Variants in TMEM123 observed in about 807,000 individuals in gnomAD.
TMEM123 encodes the protein transmembrane protein 123.
In TMEM123, 16 loss-of-function variants were observed where a neutral mutation model predicts 19.7. The ratio of observed to expected loss-of-function variants is 0.81; its 90% confidence interval spans 0.55 to 1.23. The LOEUF is 1.23. TMEM123 is among the 50% of genes most tolerant of loss of function. The pLI, the probability that TMEM123 is intolerant of heterozygous loss-of-function variation, is 0.00. For missense variants in TMEM123, 313 were observed against 257.8 expected, an observed-to-expected ratio of 1.21 and a Z score of -1.47; for synonymous variants, 118 against 99.4, an observed-to-expected ratio of 1.19 and a Z score of -1.12.
chr11:102,414,387 A>C (rs1472729353), intron 2 of TMEM123, among the ~76,000 whole-genome samples: 1 of 152,186 alleles, frequency 6.6e-6, no homozygotes, highest in Non-Finnish European at 1.5e-5. Context: ...ACCATCCCCA[A>C]GACATATAGT....
chr11:102,444,583 A>C (rs900214518), intron 2 of TMEM123, among the ~76,000 whole-genome samples: 1 of 151,956 alleles, frequency 6.6e-6, no homozygotes, highest in African/African-American at 2.4e-5. Flanking sequence ...AGACACATCT[A>C]ATGTAAATGA....
chr11:102,448,708 T>C (rs1857908385), intron 2 of TMEM123, 104 bp downstream of exon 2: 3 of 1,104,848 alleles, frequency 2.7e-6, no homozygotes, highest in Non-Finnish European at 4.1e-6. Flanking sequence ...GAACTCAGGG[T>C]TAAAACAGGT....
intron 2 of TMEM123, among the ~76,000 whole-genome samples, chr11:102,419,770 A>G (rs572338270): frequency 4.6e-5 from 7 of 152,326 alleles, no homozygotes; most frequent in Admixed American, 2.0e-4. Flanking sequence ...GATTAGAGGT[A>G]TTAAGATGGG....
At chr11:102,398,927 G>T in intron 4 of TMEM123, 36 bp from the exon 5 acceptor site, 1 of 1,579,768 alleles carries the variant, frequency 6.3e-7, no homozygotes, top group Non-Finnish European at 8.6e-7. Flanking sequence ...ACTTTGTTTT[G>T]TTTTTTCTGT....
chr11:102,408,727 C>T (rs920032722), intron 2 of TMEM123, among the ~76,000 whole-genome samples: 3 of 152,122 alleles, frequency 2.0e-5, no homozygotes, highest in African/African-American at 4.8e-5. Flanking sequence ...GTGAGATATC[C>T]GAGCTCCCAT....
At chr11:102,442,052 ATAAT>A (rs1455529130) in intron 2 of TMEM123, among the ~76,000 whole-genome samples, 4 of 152,372 alleles carry the variant, frequency 2.6e-5, no homozygotes, top group Non-Finnish European at 4.4e-5. Flanking sequence ...AATTGAGGCA[ATAAT>A]TAATAGCCTA....
At position 102,401,565 on chromosome 11, in the gene TMEM123, T is replaced by G. The variant is rs1349640834; in HGVS notation, c.576A>C (p.Ser192=). 6.3e-7 allele frequency: 1 copy of G among 1,590,018 alleles called. No individual in the cohort carries two copies. The highest frequency in any genetic ancestry group is 2.2e-5 in the East Asian group (1 of 44,500). ...ILYIGCKMYY[S]RRGIRYRTID... is the part of the protein sequence containing the mutation. ...TGGTTCGATACCGAATGCCTCTTCT[T>G]GAGTAATACATTTTGCATCCAATGT... Residue 192 remains serine, a synonymous_variant, in exon 4 of 5, where the codon TCA becomes TCC. Coordinates refer to ENST00000398136, the MANE Select transcript of TMEM123 (RefSeq NM_052932.3).
chr11:102,411,074 C>G (rs764899726), intron 2 of TMEM123, among the ~76,000 whole-genome samples: 46 of 152,120 alleles, frequency 3.0e-4, no homozygotes, highest in Non-Finnish European at 5.6e-4. Flanking sequence ...GAGGACCCCC[C>G]CTTTTGCTCA....
intron 2 of TMEM123, among the ~76,000 whole-genome samples, chr11:102,438,838 C>A (rs773932698): frequency 6.6e-6 from 1 of 152,218 alleles, no homozygotes; most frequent in Non-Finnish European, 1.5e-5. Context: ...CCTTTCCTAG[C>A]AAAGGGAAGC....
intron 2 of TMEM123, among the ~76,000 whole-genome samples, chr11:102,422,530 T>G (rs1421067915): frequency 6.6e-6 from 1 of 152,176 alleles, no homozygotes; most frequent in Admixed American, 6.6e-5. Context: ...GTTCTCATCA[T>G]TCTGCCAATT....
rs1252203797 is a variant in TMEM123 at position 102,402,103 on chromosome 11, G to A, written c.261C>T (p.Thr87=). The A allele has an allele frequency of 6.2e-7, 1 of 1,614,014 alleles. No individual in the cohort carries two copies. Among genetic ancestry groups the A allele is most frequent in the Non-Finnish European group, 8.5e-7 (1 of 1,180,018 alleles). Residue 87 remains threonine, a synonymous_variant, in exon 3 of 5, where the codon ACC becomes ACT. Coordinates refer to ENST00000398136, the MANE Select transcript of TMEM123 (RefSeq NM_052932.3). The stretch of plus-strand genomic sequence containing the variant: ...TAGATGCCGCTGTAGGTTTCATGGT[G>A]GTGACCGTTGTATTACTGGAGTCTG... ...VASDSSNTTV[T]TMKPTAASNT...
chr11:102,440,479 C>G (rs1041222572), intron 2 of TMEM123, among the ~76,000 whole-genome samples: 3 of 152,124 alleles, frequency 2.0e-5, no homozygotes, highest in African/African-American at 7.2e-5. Flanking sequence ...GAAATAAAAT[C>G]CTTTACAGAC....
chr11:102,440,378 A>C (rs888151272), intron 2 of TMEM123, among the ~76,000 whole-genome samples: 1 of 152,196 alleles, frequency 6.6e-6, no homozygotes, highest in African/African-American at 2.4e-5. Flanking sequence ...AGCCAGAAGA[A>C]AGTAGGGGGC....
intron 2 of TMEM123, among the ~76,000 whole-genome samples, chr11:102,406,580 A>G (rs542938313): frequency 6.6e-6 from 1 of 152,288 alleles, no homozygotes; most frequent in Non-Finnish European, 1.5e-5. Flanking sequence ...GCCTTAAAAA[A>G]GATAGCTTCC....
intron 2 of TMEM123, among the ~76,000 whole-genome samples, chr11:102,405,079 T>G (rs1287771215): frequency 1.3e-5 from 2 of 151,770 alleles, no homozygotes; most frequent in Non-Finnish European, 2.9e-5. Context: ...GACAGAGTCT[T>G]GCTCTGTTGC....
At chr11:102,433,795 G>C (rs200566647) in intron 2 of TMEM123, among the ~76,000 whole-genome samples, 1 of 151,670 alleles carries the variant, frequency 6.6e-6, no homozygotes, top group Non-Finnish European at 1.5e-5. Context: ...CGCTGTTCTC[G>C]TGACAGTTTT....
chr11:102,405,214 A>T (rs1244667487), intron 2 of TMEM123, among the ~76,000 whole-genome samples: 1 of 151,540 alleles, frequency 6.6e-6, no homozygotes, highest in Non-Finnish European at 1.5e-5. Flanking sequence ...ACGCCTGGCT[A>T]ATTTTTGTAT....
At chr11:102,440,293 CAG>C (rs1198606842) in intron 2 of TMEM123, among the ~76,000 whole-genome samples, 1 of 152,094 alleles carries the variant, frequency 6.6e-6, no homozygotes, top group African/African-American at 2.4e-5. Context: ...TAAGGGCAGC[CAG>C]AGAGAAAGGT....
At chr11:102,423,131 T>C (rs559129727) in intron 2 of TMEM123, among the ~76,000 whole-genome samples, 12 of 152,348 alleles carry the variant, frequency 7.9e-5, no homozygotes, top group African/African-American at 2.4e-4. Flanking sequence ...AATGGGGGCA[T>C]GGCTAAGGAA....
Sources: allele counts gnomAD v4.1 joint callset (sites outside exome capture counted in the v4.1 genomes callset), GRCh38; gene constraint gnomAD v4.1.1; transcripts MANE v1.5; gene names NCBI Gene and HGNC (gene_info 2026-07-23, HGNC 2026-07-21).